Variants in ERC1 observed in about 807,000 individuals in gnomAD.
ERC1 encodes the protein ELKS/RAB6-interacting/CAST family member 1.
A neutral mutation model predicts 132.0 loss-of-function variants in ERC1; 56 were observed. The ratio of observed to expected loss-of-function variants is 0.42; its 90% CI spans 0.34 to 0.53. The LOEUF (loss-of-function observed/expected upper bound fraction) is 0.53, where lower values mean the gene tolerates loss of function less well. ERC1 is among the 20% of genes least tolerant of loss of function. The pLI is 0.03. For missense variants in ERC1, 1,202 were observed against 1,349.9 expected, an observed-to-expected ratio of 0.89 and a Z score of 1.72; for synonymous variants, 478 against 476.1, an observed-to-expected ratio of 1.00 and a Z score of -0.05.
At chr12:1,356,634 A>G (rs1034330868) in intron 15 of ERC1, among the ~76,000 whole-genome samples, 1 of 152,184 alleles carries the variant, frequency 6.6e-6, no homozygotes, top group Non-Finnish European at 1.5e-5. Flanking sequence ...TTTTATGTCT[A>G]CTTTAACCGT....
intron 13 of ERC1, among the ~76,000 whole-genome samples, chr12:1,255,620 C>CATTTTTTTTT (rs1566399407): frequency 3.5e-5 from 3 of 86,436 alleles, no homozygotes; most frequent in Non-Finnish European, 8.1e-5. Context: ...TGCTTCCTGG[C>CATTTTTTTTT]CTTTTTTTTT....
chr12:1,365,508 C>A (rs956264187), intron 15 of ERC1, among the ~76,000 whole-genome samples: 11 of 152,160 alleles, frequency 7.2e-5, no homozygotes, highest in Admixed American at 4.6e-4. Context: ...ATTTGGAATT[C>A]ATTACAGAAT....
At chr12:1,419,046 A>C (rs1015224563) in intron 17 of ERC1, among the ~76,000 whole-genome samples, 6 of 152,084 alleles carry the variant, frequency 3.9e-5, no homozygotes, top group Non-Finnish European at 8.8e-5. Flanking sequence ...CCCACATTAC[A>C]TAAAACTTAC....
intron 8 of ERC1, among the ~76,000 whole-genome samples, chr12:1,150,334 A>G (rs1031349746): frequency 3.9e-5 from 6 of 152,236 alleles, no homozygotes; most frequent in Non-Finnish European, 8.8e-5. Flanking sequence ...TAAAAATAGA[A>G]CAGTAGAACT....
chr12:1,159,547 T>A (rs1024856177), intron 8 of ERC1, among the ~76,000 whole-genome samples: 4 of 152,200 alleles, frequency 2.6e-5, no homozygotes, highest in Non-Finnish European at 4.4e-5. Context: ...CTGATTGAGA[T>A]TAACTTGGGG....
chr12:1,247,715 G>T (rs574406646), intron 13 of ERC1, among the ~76,000 whole-genome samples: 2 of 152,338 alleles, frequency 1.3e-5, no homozygotes, highest in East Asian at 3.9e-4. Flanking sequence ...TAGCTGATCA[G>T]GCCGGGCACG....
intron 8 of ERC1, among the ~76,000 whole-genome samples, chr12:1,153,371 A>AT (rs1951010947): frequency 6.6e-6 from 1 of 152,214 alleles, no homozygotes; most frequent in Non-Finnish European, 1.5e-5. Flanking sequence ...TGCCTTTGGT[A>AT]TTTTGACTCT....
At chr12:1,050,447 G>C (rs1971746974) in intron 2 of ERC1, among the ~76,000 whole-genome samples, 1 of 152,138 alleles carries the variant, frequency 6.6e-6, no homozygotes, top group Non-Finnish European at 1.5e-5. Flanking sequence ...TTTACTATAT[G>C]TGAATCACCT....
intron 8 of ERC1, chr12:1,152,702 C>G (rs1285942920): frequency 6.5e-6 from 1 of 153,436 alleles, no homozygotes; most frequent in East Asian, 1.9e-4. Context: ...GTCAGAGCAA[C>G]AGACAGAAAT....
At chr12:1,314,799 A>G (rs1416528255) in intron 15 of ERC1, among the ~76,000 whole-genome samples, 1 of 152,120 alleles carries the variant, frequency 6.6e-6, no homozygotes, top group Non-Finnish European at 1.5e-5. Flanking sequence ...AATAAAAATT[A>G]TTTCTTTGTT....
intron 2 of ERC1, among the ~76,000 whole-genome samples, chr12:1,041,612 C>T (rs749871812): frequency 1.3e-5 from 2 of 152,202 alleles, no homozygotes; most frequent in Non-Finnish European, 2.9e-5. Flanking sequence ...CACTAGGTCA[C>T]TCTTTAGCTG....
intron 2 of ERC1, among the ~76,000 whole-genome samples, chr12:1,037,064 T>G (rs1969223632): frequency 6.6e-6 from 1 of 152,230 alleles, no homozygotes; most frequent in Non-Finnish European, 1.5e-5. Flanking sequence ...TGTGGGAAAT[T>G]TGCTTCTTTT....
intron 7 of ERC1, among the ~76,000 whole-genome samples, chr12:1,120,277 G>A (rs1946932652): frequency 6.6e-6 from 1 of 152,196 alleles, no homozygotes; most frequent in African/African-American, 2.4e-5. Flanking sequence ...ATAGGCAGGA[G>A]CCACTGTGTC....
chr12:1,264,648 A>G (rs1258148648), intron 14 of ERC1, among the ~76,000 whole-genome samples: 1 of 152,016 alleles, frequency 6.6e-6, no homozygotes. Flanking sequence ...TGGGCGACAG[A>G]GCGAGACTCT....
intron 11 of ERC1, 22 bp from the exon 12 acceptor site, chr12:1,189,837 A>C (rs1366007501): frequency 6.3e-6 from 10 of 1,575,746 alleles, no homozygotes; most frequent in Non-Finnish European, 8.6e-6. Context: ...ATCTGATAGG[A>C]TTGAAATGCT....
At chr12:1,147,796 C>CAA (rs945287754) in intron 8 of ERC1, among the ~76,000 whole-genome samples, 34 of 152,258 alleles carry the variant, frequency 2.2e-4, no homozygotes, top group African/African-American at 8.2e-4. Flanking sequence ...TCTGGATGCA[C>CAA]AAAGACTCGA....
chr12:1,330,291 A>C (rs910733334), intron 15 of ERC1, among the ~76,000 whole-genome samples: 6 of 152,188 alleles, frequency 3.9e-5, no homozygotes, highest in Admixed American at 1.3e-4. Flanking sequence ...TTCACTCAAA[A>C]CTTTGCACTT....
intron 13 of ERC1, among the ~76,000 whole-genome samples, chr12:1,253,959 C>A (rs2076628525): frequency 6.6e-6 from 1 of 152,138 alleles, no homozygotes; most frequent in East Asian, 1.9e-4. Flanking sequence ...CTACCAGACC[C>A]CTCAAAGTAG....
chr12:1,133,778 C>T (rs543145649), intron 7 of ERC1, among the ~76,000 whole-genome samples: 1 of 152,280 alleles, frequency 6.6e-6, no homozygotes, highest in South Asian at 2.1e-4. Flanking sequence ...GGTTTGTACC[C>T]TTTGATCAGC....
Sources: allele counts gnomAD v4.1 joint callset (sites outside exome capture counted in the v4.1 genomes callset), GRCh38; gene constraint gnomAD v4.1.1; transcripts MANE v1.5; gene names NCBI Gene and HGNC (gene_info 2026-07-23, HGNC 2026-07-21).